ITGB6: variants seen among roughly 807,000 people sequenced by gnomAD.
ITGB6 encodes integrin subunit beta 6, also known as integrin beta-6.
Under a neutral mutation model 84.5 loss-of-function variants are expected in ITGB6, and 80 were observed. The observed-to-expected ratio is 0.95, with a 90% CI of 0.79 to 1.14. The LOEUF (loss-of-function observed/expected upper bound fraction) is 1.14. Among genes scored for constraint, ITGB6 ranks in the 50% most tolerant of loss-of-function variants. ITGB6 has a pLI of 0.00. For synonymous variants in ITGB6, 383 were observed against 354.9 expected (o/e 1.08, Z -0.89); for missense variants, 1,006 against 968.0 (o/e 1.04, Z -0.52).
Position 160,112,151 on chromosome 2 carries a change from T to C in ITGB6, c.2030A>G (p.Glu677Gly). 1 of 1,612,110 alleles carries C rather than the reference T, an allele frequency of 6.2e-7. No homozygotes were observed. The change falls in exon 13 of 15, where the codon GAA (glutamate) becomes GGA (glycine). Residue 677 changes from glutamate (E) to glycine (G), a missense_variant. Coordinates refer to ENST00000283249, the MANE Select transcript of ITGB6 (RefSeq NM_000888.5). Reference sequence around the variant, plus strand: ...AGTTATTAGGAATGTAATAAGACATTCATTTTCTCCTTGCAGAGAGCAGGA... The same window carrying C: ...AGTTATTAGGAATGTAATAAGACATCCATTTTCTCCTTGCAGAGAGCAGGA... ...SVSCSLQGEN[E>G]CLITFLITTD... is the part of the protein sequence containing the mutation.
chr2:160,153,868 C>G (rs955784532), intron 7 of ITGB6, among the ~76,000 whole-genome samples: 1 of 152,140 alleles, frequency 6.6e-6, no homozygotes, highest in Admixed American at 6.6e-5. Flanking sequence ...AAATGCAAAT[C>G]AAAACCACAA....
chr2:160,168,779 G>A (rs1490986756), intron 7 of ITGB6, among the ~76,000 whole-genome samples: 1 of 152,084 alleles, frequency 6.6e-6, no homozygotes, highest in Non-Finnish European at 1.5e-5. Context: ...GTGTCTCTGT[G>A]TGTGTCTTTT....
chr2:160,183,883 G>T (rs1190828936), intron 4 of ITGB6, among the ~76,000 whole-genome samples: 1 of 151,176 alleles, frequency 6.6e-6, no homozygotes, highest in Non-Finnish European at 1.5e-5. Context: ...CATGCTACTG[G>T]GTAAATAACG....
At chr2:160,122,862 A>G (rs1419427999) in intron 12 of ITGB6, among the ~76,000 whole-genome samples, 1 of 152,194 alleles carries the variant, frequency 6.6e-6, no homozygotes, top group African/African-American at 2.4e-5. Flanking sequence ...AATTCCATCT[A>G]TTCAAGAGAC....
At chr2:160,193,649 C>G (rs1237775487) in intron 4 of ITGB6, among the ~76,000 whole-genome samples, 1 of 152,194 alleles carries the variant, frequency 6.6e-6, no homozygotes, top group East Asian at 1.9e-4. Context: ...AGTGGGCAGA[C>G]AGTGCCCTTA....
chr2:160,159,929 C>T (rs929876232), intron 7 of ITGB6, among the ~76,000 whole-genome samples: 5 of 152,094 alleles, frequency 3.3e-5, no homozygotes, highest in African/African-American at 1.2e-4. Flanking sequence ...ATTACAAGTC[C>T]ATGAGGACAA....
At chr2:160,121,568 T>C (rs1683040931) in intron 12 of ITGB6, among the ~76,000 whole-genome samples, 1 of 152,136 alleles carries the variant, frequency 6.6e-6, no homozygotes, top group Non-Finnish European at 1.5e-5. Flanking sequence ...GCAGATGCCT[T>C]GAGCTCAGAG....
Position 160,112,097 on chromosome 2 carries a change from T to C in ITGB6, c.2084A>G (p.His695Arg). 1 of 1,613,166 alleles carries C rather than the reference T, an allele frequency of 6.2e-7. No individual in the cohort carries two copies. Among genetic ancestry groups the C allele is most frequent in the South Asian group, 1.1e-5 (1 of 90,798 alleles). Residue 695 changes from histidine to arginine, a missense_variant, in exon 13 of 15, where the codon CAC (histidine) becomes CGC (arginine). Transcript: ENST00000283249. ...TTDNEGKTII[H>R]SINEKDCPKP... ...ACACCCACCTTTTTCATTGATGCTG[T>C]GAATGATGGTTTTCCCCTCATTATC...
chr2:160,137,538 C>G lies in ITGB6; in HGVS notation c.1556G>C (p.Cys519Ser), dbSNP rs1683792833. ...PSCSGRGDCY[C>S]GQCICHLSPY... ...AGACAAGTGGCAGATACACTGCCCA[C>G]AGTAGCAGTCACCCCTTCCGCTGCA... Residue 519 changes from cysteine to serine, a missense_variant, in exon 10 of 15, where the codon TGT becomes TCT. Physicochemically the swap from Cys to Ser is moderately radical, Grantham distance 112 (BLOSUM62 -1). Coordinates refer to ENST00000283249, the MANE Select transcript of ITGB6 (RefSeq NM_000888.5). 1 of 1,614,010 alleles carries G rather than the reference C, an allele frequency of 6.2e-7. No homozygotes were observed. Among genetic ancestry groups the G allele is most frequent in the African/African-American group, 1.3e-5 (1 of 74,932 alleles).
At chr2:160,187,087 C>T (rs1373901279) in intron 4 of ITGB6, among the ~76,000 whole-genome samples, 1 of 151,950 alleles carries the variant, frequency 6.6e-6, no homozygotes, top group East Asian at 1.9e-4. Context: ...GTACGTTCTG[C>T]AAACGTATCT....
chr2:160,152,588 A>T (rs1372656294), intron 7 of ITGB6, among the ~76,000 whole-genome samples: 7 of 152,150 alleles, frequency 4.6e-5, no homozygotes, highest in African/African-American at 1.2e-4. Flanking sequence ...GTGTTGGAAG[A>T]TCTGGCTAGG....
At chr2:160,147,078 T>TAC (rs1684225145) in intron 7 of ITGB6, among the ~76,000 whole-genome samples, 1 of 129,800 alleles carries the variant, frequency 7.7e-6, no homozygotes, top group Admixed American at 8.9e-5. Flanking sequence ...AGTGAGACCT[T>TAC]GCCTCAGAAA....
At chr2:160,150,570 G>A (rs1315517247) in intron 7 of ITGB6, among the ~76,000 whole-genome samples, 3 of 152,050 alleles carry the variant, frequency 2.0e-5, no homozygotes, top group Non-Finnish European at 4.4e-5. Context: ...AATAACCAGC[G>A]AACATCATAA....
At chr2:160,115,467 A>G (rs1280967028) in intron 12 of ITGB6, among the ~76,000 whole-genome samples, 2 of 152,232 alleles carry the variant, frequency 1.3e-5, no homozygotes, top group African/African-American at 4.8e-5. Flanking sequence ...TGTTAGAAGG[A>G]AAACTAACAA....
At chr2:160,133,612 G>GCACCA (rs987146014) in intron 10 of ITGB6, among the ~76,000 whole-genome samples, 9 of 150,220 alleles carry the variant, frequency 6.0e-5, no homozygotes, top group African/African-American at 1.9e-4. Flanking sequence ...ATTCTTTTCA[G>GCACCA]CACCACACCA....
chr2:160,134,519 A>G (rs1683621613), intron 10 of ITGB6, among the ~76,000 whole-genome samples: 2 of 152,210 alleles, frequency 1.3e-5, no homozygotes, highest in Non-Finnish European at 2.9e-5. Context: ...TATTCCAATC[A>G]ATAGAAAAAG....
chr2:160,170,869 A>G (rs1247021625), intron 6 of ITGB6, among the ~76,000 whole-genome samples: 1 of 152,220 alleles, frequency 6.6e-6, no homozygotes, highest in Admixed American at 6.5e-5. Flanking sequence ...TGCCTCGTTC[A>G]AAATGGAGCT....
intron 7 of ITGB6, among the ~76,000 whole-genome samples, chr2:160,153,424 T>C (rs1221993145): frequency 6.6e-6 from 1 of 152,172 alleles, no homozygotes; most frequent in Non-Finnish European, 1.5e-5. Context: ...TTACACCTTA[T>C]ACAAAAATTA....
At position 160,139,870 on chromosome 2, in the gene ITGB6, C is replaced by T. The variant is rs1248005781; in HGVS notation, c.1108-1671G>A. 2.6e-5 allele frequency among the ~76,000 whole-genome samples: 4 copies of T among 151,982 alleles called. No homozygotes were observed. The East Asian group carries it at 5.8e-4, about 22-fold the overall frequency. ...ATTTCGGTAGCTTTTATTATACGAT[C>T]GGGGAAGAAAGAAAATTAGTGAATG... On this transcript the variant is annotated intron_variant, in intron 8 of 14. Transcript: ENST00000283249.
Sources: gnomAD v4.1 joint callset for allele counts (sites outside exome capture counted in the v4.1 genomes callset) on GRCh38, gnomAD v4.1.1 for gene constraint, MANE v1.5 for transcripts, NCBI Gene and HGNC (gene_info 2026-07-23, HGNC 2026-07-21) for gene names.